The following SLC28A3 variants were observed in gnomAD, a reference collection of about 807,000 sequenced individuals.
SLC28A3 encodes solute carrier family 28 member 3.
A neutral mutation model predicts 84.2 loss-of-function variants in SLC28A3; 68 were observed. The ratio of observed to expected loss-of-function variants is 0.81; its 90% CI spans 0.66 to 0.99. The LOEUF is 0.99. SLC28A3 is among the 50% of genes least tolerant of loss of function. The pLI is 0.00. For synonymous variants in SLC28A3, 267 were observed against 303.6 expected (o/e 0.88, Z 1.25); for missense variants, 712 against 841.5 (o/e 0.85, Z 1.90).
intron 1 of SLC28A3, among the ~76,000 whole-genome samples, chr9:84,330,173 G>C (rs1359809813): frequency 1.3e-5 from 2 of 151,102 alleles, no homozygotes; most frequent in Non-Finnish European, 2.9e-5. Context: ...GAAAAAAAAA[G>C]CTCAAAAAAA....
chr9:84,282,415 T>G (rs1203991473), intron 14 of SLC28A3, among the ~76,000 whole-genome samples: 4 of 152,198 alleles, frequency 2.6e-5, no homozygotes, highest in Admixed American at 2.0e-4. Context: ...GGATATAATT[T>G]AAAAATAATT....
At chr9:84,328,354 T>C (rs2118562081) in intron 1 of SLC28A3, among the ~76,000 whole-genome samples, 1 of 150,198 alleles carries the variant, frequency 6.7e-6, no homozygotes, top group Middle Eastern at 3.6e-3. Context: ...AAACATGATC[T>C]GGCCAGGTGT....
the SLC28A3 span, among the ~76,000 whole-genome samples, chr9:84,352,137 T>C: frequency 4.6e-5 from 7 of 152,196 alleles, no homozygotes; most frequent in African/African-American, 1.7e-4. Flanking sequence ...TCAAACTATA[T>C]ATTATCCTGC....
At chr9:84,359,223 C>CCT in the SLC28A3 span, among the ~76,000 whole-genome samples, 1 of 152,170 alleles carries the variant, frequency 6.6e-6, no homozygotes, top group Non-Finnish European at 1.5e-5. Flanking sequence ...CCCTCTAATA[C>CCT]CTCTCCCAAA....
chr9:84,318,955 C>T (rs10116553), intron 1 of SLC28A3, among the ~76,000 whole-genome samples: 54,444 of 151,578 alleles, frequency 0.36, 13,927 homozygotes, highest in African/African-American at 0.71. Context: ...AAATGATAAA[C>T]GGAGAAATTA....
chr9:84,325,754 T>C (rs745862690), intron 1 of SLC28A3, among the ~76,000 whole-genome samples: 2 of 152,214 alleles, frequency 1.3e-5, no homozygotes, highest in Non-Finnish European at 2.9e-5. Context: ...GCTTCCTGAC[T>C]CACCCATTCC....
intron 1 of SLC28A3, among the ~76,000 whole-genome samples, chr9:84,318,825 T>A (rs1826262404): frequency 6.6e-6 from 1 of 151,242 alleles, no homozygotes; most frequent in African/African-American, 2.4e-5. Flanking sequence ...GCTGAGATTG[T>A]GCCATTGCAC....
chr9:84,335,847 AATCTTC>A (rs1826956312), intron 1 of SLC28A3, among the ~76,000 whole-genome samples: 1 of 151,980 alleles, frequency 6.6e-6, no homozygotes, highest in Non-Finnish European at 1.5e-5. Context: ...AGAAAACAGA[AATCTTC>A]AGAGCCAGAG....
intron 1 of SLC28A3, among the ~76,000 whole-genome samples, chr9:84,333,357 A>G (rs118104816): frequency 0.056 from 8,468 of 152,180 alleles, 271 homozygotes; most frequent in Non-Finnish European, 0.07. Flanking sequence ...TAGCCATCTT[A>G]TTTAGGAACC....
chr9:84,326,630 TAAA>T (rs995297100), intron 1 of SLC28A3, among the ~76,000 whole-genome samples: 5 of 132,112 alleles, frequency 3.8e-5, no homozygotes, highest in African/African-American at 1.2e-4. Context: ...ATAGATGGAT[TAAA>T]AACAACAACA....
At chr9:84,366,926 AC>A in the SLC28A3 span, among the ~76,000 whole-genome samples, 1 of 152,170 alleles carries the variant, frequency 6.6e-6, no homozygotes, top group Non-Finnish European at 1.5e-5. Flanking sequence ...CTGGGGCTCT[AC>A]AGTCAACAGG....
At chr9:84,342,057 A>T (rs1827170412), upstream of SLC28A3, among the ~76,000 whole-genome samples, 2 of 150,078 alleles carry the variant, frequency 1.3e-5, no homozygotes, top group Admixed American at 6.6e-5. Flanking sequence ...TGAACCCAGG[A>T]GACACAGATT....
Position 84,337,630 on chromosome 9 carries a change from C to A in SLC28A3, c.60+2944G>T, listed in dbSNP as rs1364311076. ...ATAAAATAAGAAATCCTTAGATATT[C>A]CACATACACGCAATACTTTAAATGC... is the stretch of plus-strand genomic sequence containing the variant. On this transcript the variant is annotated intron_variant, in intron 1 of 17. Transcript: ENST00000376238. 2.0e-5 allele frequency among the ~76,000 whole-genome samples: 3 copies of A among 152,120 alleles called. No individual in the cohort carries two copies. In the South Asian group the frequency reaches 6.2e-4, roughly 31 times the overall value.
upstream of SLC28A3, among the ~76,000 whole-genome samples, chr9:84,343,614 T>C (rs529697018): frequency 6.6e-6 from 1 of 152,276 alleles, no homozygotes; most frequent in African/African-American, 2.4e-5. Context: ...GATTTTTAAA[T>C]GGTTGAAAAA....
upstream of SLC28A3, among the ~76,000 whole-genome samples, chr9:84,342,569 C>T (rs996122951): frequency 7.1e-6 from 1 of 141,040 alleles, no homozygotes; most frequent in African/African-American, 3.1e-5. Flanking sequence ...GGTGCCATCA[C>T]CCATGGCTAA....
chr9:84,355,656 T>C, the SLC28A3 span, among the ~76,000 whole-genome samples: 2 of 152,118 alleles, frequency 1.3e-5, no homozygotes, highest in Non-Finnish European at 2.9e-5. Context: ...GATTGGGAAC[T>C]TGAGCAGTTT....
upstream of SLC28A3, among the ~76,000 whole-genome samples, chr9:84,341,073 A>T (rs1827147489): frequency 6.6e-6 from 1 of 150,776 alleles, no homozygotes; most frequent in Admixed American, 6.6e-5. Flanking sequence ...TCCCAGGTTC[A>T]AGCAATTCTC....
chr9:84,295,387 C>G (rs1013311825), intron 8 of SLC28A3, among the ~76,000 whole-genome samples: 8 of 152,036 alleles, frequency 5.3e-5, no homozygotes, highest in African/African-American at 1.9e-4. Context: ...GAGTTTGAGA[C>G]CAGCCTGGCC....
intron 1 of SLC28A3, among the ~76,000 whole-genome samples, chr9:84,328,221 CTATCT>C (rs1564175479): frequency 7.0e-6 from 1 of 142,338 alleles, no homozygotes; most frequent in Non-Finnish European, 1.6e-5. Context: ...AATATAAATC[CTATCT>C]TATCAGTAAC....
Sources: gnomAD v4.1 joint callset for allele counts (sites outside exome capture counted in the v4.1 genomes callset) on GRCh38, gnomAD v4.1.1 for gene constraint, MANE v1.5 for transcripts, NCBI Gene and HGNC (gene_info 2026-07-23, HGNC 2026-07-21) for gene names.